The following MAP3K15 variants were observed in gnomAD, a reference collection of about 807,000 sequenced individuals.
MAP3K15 encodes the protein mitogen-activated protein kinase kinase kinase 15.
A neutral mutation model predicts 99.5 loss-of-function variants in MAP3K15; 124 were observed. That is an observed-to-expected ratio of 1.25 (90% CI 1.08 to 1.45). The LOEUF (loss-of-function observed/expected upper bound fraction) is 1.45, where lower values mean the gene tolerates loss of function less well. Ranked by LOEUF, MAP3K15 falls within the 40% of genes most tolerant of loss-of-function variation. MAP3K15 has a pLI of 0.00. For synonymous variants in MAP3K15, 494 were observed against 439.6 expected (o/e 1.12, Z -1.55); for missense variants, 1,242 against 1,079.7 (o/e 1.15, Z -2.11).
intron 6 of MAP3K15, among the ~76,000 whole-genome samples, chrX:19,452,215 G>A (rs1319466888): frequency 0.22 from 2 of 9 alleles, no homozygotes; most frequent in African/African-American, 0.22. Context: ...GAAGAGAAGA[G>A]AAGAGAAGAG....
chrX:19,514,902 T>C lies in MAP3K15; in HGVS notation c.360A>G (p.Ala120=), dbSNP rs1283395616. ...AGGTGGGGACGAAGCCGCTCTCACC[T>C]GCGTCGTAGAAGGCGTCGAGCACGG... The part of the protein sequence containing the change: ...ETAVLDAFYD[A]DVAVVDMSDV... The change falls in exon 1 of 29, where the codon GCA becomes GCG. Residue 120 remains alanine (A), a splice_region_variant and synonymous_variant. Transcript: ENST00000338883. 1.8e-6 allele frequency: 2 copies of C among 1,113,818 alleles called. No homozygotes were observed. Among genetic ancestry groups the C allele is most frequent in the African/African-American group, 3.8e-5 (2 of 52,110 alleles). The allele number at this position is 1,113,818 out of a possible 1,213,427, so 91.8% of individuals were successfully genotyped here.
chrX:19,515,121 G>T lies in MAP3K15; in HGVS notation c.141C>A (p.Gly47=). Residue 47 remains glycine (G), a synonymous_variant, in exon 1 of 29, where the codon GGC becomes GGA. Transcript: ENST00000338883. The part of the protein sequence containing the change: ...PDGAAEGAAG[G]SGEGESGGGP... Reference sequence around the variant, plus strand: ...CGCCCCCACTCTCGCCCTCGCCGCTGCCGCCTGCCGCGCCCTCCGCCGCCC... The same window carrying T: ...CGCCCCCACTCTCGCCCTCGCCGCTTCCGCCTGCCGCGCCCTCCGCCGCCC... 1 of 806,616 alleles carries T rather than the reference G, an allele frequency of 1.2e-6. No homozygotes were observed. The highest frequency in any genetic ancestry group is 1.5e-6 in the Non-Finnish European group (1 of 652,786). 66.5% of individuals were successfully genotyped at this position (806,616 alleles called of 1,213,427 possible). A position where few individuals can be genotyped will look rare whatever the true frequency, so the allele number is the denominator to read the frequency against.
Position 19,515,067 on chromosome X carries a change from G to T in MAP3K15, c.195C>A (p.Tyr65Ter). ...GGPRRALRAV[Y>*]VRSESSQGGA... The stretch of plus-strand genomic sequence containing the variant: ...CGCCCTGGGAGCTCTCACTGCGCAC[G>T]TATACTGCCCGCAGAGCCCGCCGCG... Residue 65 changes from tyrosine (Y) to a stop codon, truncating the protein, a stop_gained, in exon 1 of 29, where the codon TAC (tyrosine) becomes TAA (stop). Coordinates refer to ENST00000338883, the MANE Select transcript of MAP3K15 (RefSeq NM_001001671.4). LOFTEE classifies it high-confidence loss of function. 1 of 950,015 alleles carries T rather than the reference G, an allele frequency of 1.1e-6. No individual in the cohort carries two copies. Among genetic ancestry groups the T allele is most frequent in the Non-Finnish European group, 1.4e-6 (1 of 730,597 alleles). The allele number at this position is 950,015 out of a possible 1,213,427, so 78.3% of individuals were successfully genotyped here.
At chrX:19,371,972 A>T (rs2063378352) in intron 22 of MAP3K15, among the ~76,000 whole-genome samples, 1 of 109,656 alleles carries the variant, frequency 9.1e-6, no homozygotes, top group Admixed American at 9.8e-5. Flanking sequence ...ATCTCTACTA[A>T]AAATACAGAA....
rs1028471555 is a variant in MAP3K15 at position 19,374,777 on chromosome X, C to G, written c.2590-117G>C. 66 of 635,468 alleles carry G rather than the reference C, an allele frequency of 1.0e-4. No homozygotes were observed. The African/African-American group carries it at 1.3e-3, about 12-fold the overall frequency. 52.4% of individuals were successfully genotyped at this position (635,468 alleles called of 1,213,427 possible). A position where few individuals can be genotyped will look rare whatever the true frequency, so the allele number is the denominator to read the frequency against. On this transcript the variant is annotated intron_variant, in intron 19 of 28. Coordinates refer to ENST00000338883, the MANE Select transcript of MAP3K15 (RefSeq NM_001001671.4). ...CATCCCAGGACAGGCATAATCCATG[C>G]CCCCTTGCAACGTCACGTTCTTGTT...
At chrX:19,371,086 A>C (rs1383105516) in intron 23 of MAP3K15, 22 bp from the exon 24 acceptor site, 2 of 1,042,100 alleles carry the variant, frequency 1.9e-6, no homozygotes, top group Non-Finnish European at 2.6e-6. Context: ...AAAAATAATA[A>C]AATAAACTAA....
intron 24 of MAP3K15, 136 bp from the exon 25 acceptor site, chrX:19,369,355 A>C: frequency 1.5e-6 from 1 of 646,040 alleles, no homozygotes; most frequent in Non-Finnish European, 2.4e-6. Context: ...GGGACTGCTG[A>C]CTTTACAAAT....
rs1051716429 is a variant in MAP3K15, at chrX:19,457,152, G to A, written c.889-133C>T. The A allele has an allele frequency of 1.2e-5, 5 of 432,438 alleles. No individual in the cohort carries two copies. In the South Asian group the frequency reaches 1.9e-4, roughly 16 times the overall value. 35.6% of individuals were successfully genotyped at this position (432,438 alleles called of 1,213,427 possible). ...TTCCTTACAAAGGGCATTTAGTGAA[G>A]TTACTTGTAGCCTTTAATAGGAGGG... On this transcript the variant is annotated intron_variant, in intron 5 of 28. Coordinates refer to ENST00000338883, the MANE Select transcript of MAP3K15 (RefSeq NM_001001671.4).
At chrX:19,363,529 A>G (rs1048835339) in intron 25 of MAP3K15, among the ~76,000 whole-genome samples, 1 of 112,466 alleles carries the variant, frequency 8.9e-6, no homozygotes, top group South Asian at 3.7e-4. Context: ...GGACGATGTG[A>G]TTATTTAAAC....
chrX:19,475,110 G>A (rs897869769), intron 3 of MAP3K15, among the ~76,000 whole-genome samples: 5 of 110,632 alleles, frequency 4.5e-5, no homozygotes, highest in African/African-American at 1.6e-4. Context: ...ACAACTCACT[G>A]TGATGTAGAA....
At position 19,373,564 on chromosome X, in the gene MAP3K15, G is replaced by A. The variant is rs761766474; in HGVS notation, c.2905C>T (p.Pro969Ser). The A allele has an allele frequency of 9.2e-5, 108 of 1,171,572 alleles. No homozygotes were observed. The highest frequency in any genetic ancestry group is 1.2e-4 in the Non-Finnish European group (105 of 875,700). ...PDALFERTRA[P>S]RHHLGHLLSV... The stretch of plus-strand genomic sequence containing the variant: ...AGGAGGTGGCCAAGGTGGTGCCTGG[G>A]CGCCCGGGTCCTCTCAAAGAGTGCG... Residue 969 changes from proline to serine, a missense_variant, in exon 21 of 29, where the codon CCC (proline) becomes TCC (serine). Pro to Ser is a moderately conservative substitution (Grantham distance 74, BLOSUM62 -1). Transcript: ENST00000338883.
chrX:19,514,264 C>G (rs866008505), intron 1 of MAP3K15, among the ~76,000 whole-genome samples: 1 of 107,790 alleles, frequency 9.3e-6, no homozygotes, highest in East Asian at 3.0e-4. Flanking sequence ...CCAGGTGATT[C>G]TAATATGTAG....
intron 1 of MAP3K15, among the ~76,000 whole-genome samples, chrX:19,507,800 G>T (rs1245601434): frequency 1.8e-5 from 2 of 109,793 alleles, no homozygotes; most frequent in Non-Finnish European, 3.8e-5. Flanking sequence ...TCTCAAGTTT[G>T]CTGTGAACCT....
chrX:19,462,412 T>C (rs943650907), intron 4 of MAP3K15, among the ~76,000 whole-genome samples: 5 of 112,385 alleles, frequency 4.4e-5, no homozygotes, highest in South Asian at 3.7e-4. Context: ...CTGTCACTAA[T>C]TGAATGAGTC....
chrX:19,502,979 TG>T (rs1236671358), intron 1 of MAP3K15, among the ~76,000 whole-genome samples: 1 of 111,611 alleles, frequency 9.0e-6, no homozygotes, highest in Non-Finnish European at 1.9e-5. Flanking sequence ...GGCCCAACTT[TG>T]AGAGACCAGT....
intron 4 of MAP3K15, 62 bp from the exon 5 acceptor site, chrX:19,460,215 G>GA: frequency 1.2e-6 from 1 of 836,504 alleles, no homozygotes; most frequent in Non-Finnish European, 1.6e-6. Flanking sequence ...ACTGTCTTGC[G>GA]CCCAAAATGG....
intron 7 of MAP3K15, among the ~76,000 whole-genome samples, chrX:19,426,599 G>A (rs757718137): frequency 9.1e-6 from 1 of 110,009 alleles, no homozygotes; most frequent in East Asian, 2.9e-4. Flanking sequence ...TGGACCACTT[G>A]AGGCCAGGAG....
At chrX:19,511,979 T>G (rs1376333502) in intron 1 of MAP3K15, among the ~76,000 whole-genome samples, 1 of 112,047 alleles carries the variant, frequency 8.9e-6, no homozygotes, top group African/African-American at 3.2e-5. Context: ...AATGGAATAC[T>G]ATGCAGCCAT....
rs757904260 is a variant in MAP3K15, at chrX:19,431,588, C to T, written c.1016G>A (p.Arg339His). The T allele has an allele frequency of 2.7e-5, 32 of 1,196,298 alleles. No individual in the cohort carries two copies. Among genetic ancestry groups the T allele is most frequent in the African/African-American group, 3.5e-5 (2 of 57,185 alleles). Residue 339 changes from arginine to histidine, a missense_variant, in exon 7 of 29, where the codon CGT (arginine) becomes CAT (histidine). By Grantham distance (29) the Arg-to-His change is conservative. Coordinates refer to ENST00000338883, the MANE Select transcript of MAP3K15 (RefSeq NM_001001671.4). ...GAGCATGATCTGCAGAGCCTTCTCA[C>T]GGTCACCTGTGCTGTTTCTCCTGAA... ...ALNRRNSTGD[R>H]EKALQIMLQV...
Sources: allele counts gnomAD v4.1 joint callset (sites outside exome capture counted in the v4.1 genomes callset), GRCh38; gene constraint gnomAD v4.1.1; transcripts MANE v1.5; gene names NCBI Gene and HGNC (gene_info 2026-07-23, HGNC 2026-07-21).